The following TNRC6B variants were observed in gnomAD, a reference collection of about 807,000 sequenced individuals.
The protein encoded by TNRC6B is trinucleotide repeat containing adaptor 6B, also known as trinucleotide repeat-containing gene 6B protein.
Under a neutral mutation model 203.6 loss-of-function variants are expected in TNRC6B, and 52 were observed. That is an observed-to-expected ratio of 0.26 (90% confidence interval 0.20 to 0.32). The LOEUF (loss-of-function observed/expected upper bound fraction) is 0.32. Among genes scored for constraint, TNRC6B ranks in the 10% least tolerant of loss-of-function variants. The pLI is 1.00. For synonymous variants in TNRC6B, 838 were observed against 845.7 expected, an observed-to-expected ratio of 0.99 and a Z score of 0.16; for missense variants, 1,923 against 2,286.2, an observed-to-expected ratio of 0.84 and a Z score of 3.24.
At chr22:40,245,298 C>T (rs2070090662) in intron 1 of TNRC6B, among the ~76,000 whole-genome samples, 1 of 151,952 alleles carries the variant, frequency 6.6e-6, no homozygotes. Flanking sequence ...ACTATGTTGA[C>T]CAGGCTGGTC....
intron 1 of TNRC6B, among the ~76,000 whole-genome samples, chr22:40,194,152 A>G (rs755799867): frequency 3.9e-5 from 6 of 152,186 alleles, no homozygotes; most frequent in Non-Finnish European, 8.8e-5. Flanking sequence ...GGGGCAGGCA[A>G]ATGGTCTGAA....
intron 21 of TNRC6B, among the ~76,000 whole-genome samples, chr22:40,320,702 G>C (rs1249825887): frequency 6.6e-6 from 1 of 152,226 alleles, no homozygotes; most frequent in African/African-American, 2.4e-5. Flanking sequence ...GATGGGCAAA[G>C]TAGGGGTAAG....
At chr22:40,312,686 C>A in intron 18 of TNRC6B, 35 bp downstream of exon 18, 1 of 1,583,266 alleles carries the variant, frequency 6.3e-7, no homozygotes, top group Non-Finnish European at 8.6e-7. Context: ...ATGTTCAACA[C>A]CCAGCATTTT....
intron 1 of TNRC6B, among the ~76,000 whole-genome samples, chr22:40,100,497 G>A (rs1465514094): frequency 6.6e-6 from 1 of 151,946 alleles, no homozygotes; most frequent in African/African-American, 2.4e-5. Context: ...TCCTGCCCCA[G>A]CCTCCTTAGT....
chr22:40,245,996 T>C lies in TNRC6B; in HGVS notation c.6-19T>C, dbSNP rs2070101896. The C allele has an allele frequency of 6.5e-7, 1 of 1,533,620 alleles. No individual in the cohort carries two copies. Among genetic ancestry groups the C allele is most frequent in the Non-Finnish European group, 8.8e-7 (1 of 1,137,480 alleles). On this transcript the variant is annotated intron_variant, in intron 1 of 22. Transcript: ENST00000454349. ...TGAATGTAGATGTATAACCTTCTGT[T>C]ATGATGTTACTTTAATAGAGAGAAG...
chr22:40,302,557 C>T (rs528993046), intron 15 of TNRC6B, among the ~76,000 whole-genome samples: 15 of 150,874 alleles, frequency 9.9e-5, no homozygotes, highest in South Asian at 4.2e-4. Flanking sequence ...CACTTGAACC[C>T]GGGAGACGGA....
intron 12 of TNRC6B, among the ~76,000 whole-genome samples, chr22:40,290,292 G>A (rs1010057891): frequency 1.3e-5 from 2 of 152,178 alleles, no homozygotes; most frequent in Non-Finnish European, 2.9e-5. Flanking sequence ...CAGCACAGAC[G>A]TAGAACGTGT....
intron 3 of TNRC6B, among the ~76,000 whole-genome samples, chr22:40,154,143 C>T (rs1246530432): frequency 2.0e-5 from 3 of 151,848 alleles, no homozygotes; most frequent in Non-Finnish European, 2.9e-5. Context: ...ATGCCATAGC[C>T]CTCAGCCTTT....
chr22:40,090,934 A>G (rs2068145212), intron 1 of TNRC6B, among the ~76,000 whole-genome samples: 1 of 152,232 alleles, frequency 6.6e-6, no homozygotes, highest in South Asian at 2.1e-4. Flanking sequence ...AGAACATACA[A>G]GAGAAGACTC....
intron 2 of TNRC6B, among the ~76,000 whole-genome samples, chr22:40,121,901 A>G (rs767792959): frequency 2.0e-5 from 3 of 152,258 alleles, no homozygotes; most frequent in Non-Finnish European, 2.9e-5. Flanking sequence ...TTCAGCCTCA[A>G]TAGTTACAAG....
intron 16 of TNRC6B, among the ~76,000 whole-genome samples, chr22:40,310,507 C>G (rs566868984): frequency 6.6e-6 from 1 of 152,266 alleles, no homozygotes; most frequent in South Asian, 2.1e-4. Context: ...TGGTCAGATT[C>G]CTAGTATGTG....
chr22:40,300,282 A>G (rs943938438), intron 12 of TNRC6B, among the ~76,000 whole-genome samples, 173 bp from the exon 13 acceptor site: 2 of 152,198 alleles, frequency 1.3e-5, no homozygotes, highest in African/African-American at 4.8e-5. Context: ...TCACTGCTCC[A>G]AGATAATCAT....
intron 3 of TNRC6B, among the ~76,000 whole-genome samples, chr22:40,138,353 C>T (rs1384647837): frequency 6.6e-6 from 1 of 152,226 alleles, no homozygotes; most frequent in African/African-American, 2.4e-5. Flanking sequence ...GCAACCTCTG[C>T]CTCCCAGGCT....
intron 3 of TNRC6B, among the ~76,000 whole-genome samples, chr22:40,140,041 T>C (rs1045397340): frequency 6.6e-5 from 10 of 152,252 alleles, no homozygotes; most frequent in Non-Finnish European, 1.5e-4. Flanking sequence ...TCATGGTTCA[T>C]ACATTTCCAT....
intron 1 of TNRC6B, among the ~76,000 whole-genome samples, chr22:40,088,436 G>C (rs1340446811): frequency 6.6e-6 from 1 of 152,106 alleles, no homozygotes; most frequent in Non-Finnish European, 1.5e-5. Context: ...TTTTGAGACA[G>C]AGTCTCACAC....
chr22:40,068,028 A>C (rs915631001), intron 1 of TNRC6B, among the ~76,000 whole-genome samples: 4 of 152,148 alleles, frequency 2.6e-5, no homozygotes, highest in Non-Finnish European at 5.9e-5. Flanking sequence ...CACCTTAATC[A>C]CTGGGTCAAA....
chr22:40,286,743 G>C (rs2070788912), intron 12 of TNRC6B, among the ~76,000 whole-genome samples: 1 of 152,208 alleles, frequency 6.6e-6, no homozygotes, highest in Non-Finnish European at 1.5e-5. Context: ...AAGAGATGGT[G>C]CTTTGTTTTG....
chr22:40,072,676 C>T (rs1163159696), intron 1 of TNRC6B, among the ~76,000 whole-genome samples: 1 of 151,922 alleles, frequency 6.6e-6, no homozygotes, highest in African/African-American at 2.4e-5. Context: ...CCAGCCTGGC[C>T]AACATGGGGA....
intron 1 of TNRC6B, among the ~76,000 whole-genome samples, chr22:40,089,014 T>G (rs1008304765): frequency 6.6e-5 from 10 of 152,174 alleles, no homozygotes; most frequent in Non-Finnish European, 1.5e-4. Flanking sequence ...AACAAAGTCC[T>G]TCAACTGTAC....
Sources: gnomAD v4.1 joint callset for allele counts (sites outside exome capture counted in the v4.1 genomes callset) on GRCh38, gnomAD v4.1.1 for gene constraint, MANE v1.5 for transcripts, NCBI Gene and HGNC (gene_info 2026-07-23, HGNC 2026-07-21) for gene names.